The following NRG1 variants were observed in gnomAD, a reference collection of about 807,000 sequenced individuals.
The protein encoded by NRG1 is neuregulin 1.
Under a neutral mutation model 63.8 loss-of-function variants are expected in NRG1, and 18 were observed. That is an observed-to-expected ratio of 0.28 (90% CI 0.19 to 0.42). NRG1 has a LOEUF of 0.42. Ranked by LOEUF, NRG1 falls within the 10% of genes least tolerant of loss-of-function variation. NRG1 has a pLI of 1.00. For missense variants in NRG1, 762 were observed against 814.7 expected (o/e 0.94, Z 0.79); for synonymous variants, 302 against 301.3 (o/e 1.00, Z -0.02).
intron 5 of NRG1, among the ~76,000 whole-genome samples, chr8:32,717,574 A>C (rs1399131554): frequency 1.1e-4 from 16 of 152,160 alleles, no homozygotes; most frequent in Admixed American, 1.0e-3. Context: ...GCTCAAACCT[A>C]CTTTTACTGC....
intron 1 of NRG1, among the ~76,000 whole-genome samples, chr8:31,806,665 G>T (rs1333082948): frequency 6.6e-6 from 1 of 152,030 alleles, no homozygotes; most frequent in Non-Finnish European, 1.5e-5. Context: ...TTTTCATTTT[G>T]ATCCAAATGA....
At chr8:32,703,996 A>G (rs1815658914) in intron 5 of NRG1, among the ~76,000 whole-genome samples, 1 of 152,234 alleles carries the variant, frequency 6.6e-6, no homozygotes, top group South Asian at 2.1e-4. Context: ...AATATGCTGA[A>G]CAAGCACTTA....
intron 1 of NRG1, among the ~76,000 whole-genome samples, chr8:32,371,097 A>G (rs190979959): frequency 6.6e-5 from 10 of 152,204 alleles, no homozygotes; most frequent in African/African-American, 2.4e-4. Context: ...CTGTAATCCC[A>G]GCTACTCAGG....
At chr8:32,030,608 G>A (rs970864728) in intron 1 of NRG1, 2 of 151,796 alleles carry the variant, frequency 1.3e-5, no homozygotes, top group African/African-American at 4.8e-5. Context: ...GCTACAGAGG[G>A]GACCATATCC....
chr8:32,254,952 T>C (rs1849524575), intron 1 of NRG1, among the ~76,000 whole-genome samples: 2 of 152,260 alleles, frequency 1.3e-5, no homozygotes, highest in Non-Finnish European at 2.9e-5. Context: ...CATTACATAA[T>C]GCCCTTCTTT....
chr8:32,536,849 G>A (rs113157710), intron 1 of NRG1, among the ~76,000 whole-genome samples: 9 of 149,574 alleles, frequency 6.0e-5, no homozygotes, highest in African/African-American at 2.0e-4. Flanking sequence ...GTGTGAACCC[G>A]GGAGGCGGAG....
intron 1 of NRG1, among the ~76,000 whole-genome samples, chr8:31,684,631 T>C (rs1436704923): frequency 1.3e-5 from 2 of 152,182 alleles, no homozygotes; most frequent in Non-Finnish European, 2.9e-5. Context: ...GAACCACTAT[T>C]ACTTTCAACC....
chr8:32,189,759 A>T (rs942602712), intron 1 of NRG1, among the ~76,000 whole-genome samples: 1 of 152,152 alleles, frequency 6.6e-6, no homozygotes, highest in African/African-American at 2.4e-5. Flanking sequence ...AGTCCTTAGA[A>T]ATATCACCAC....
At chr8:32,069,873 A>G (rs551452927) in intron 1 of NRG1, among the ~76,000 whole-genome samples, 8 of 152,258 alleles carry the variant, frequency 5.3e-5, no homozygotes, top group African/African-American at 1.9e-4. Flanking sequence ...GCCTTCTGTG[A>G]TGCCTTCCAA....
chr8:32,763,099 G>C, intron 11 of NRG1: 1 of 1,061,182 alleles, frequency 9.4e-7, no homozygotes, highest in Non-Finnish European at 1.4e-6. Flanking sequence ...CACTGGGATG[G>C]ATAGTTCCAA....
At chr8:32,053,577 T>C (rs976063045) in intron 1 of NRG1, among the ~76,000 whole-genome samples, 2 of 152,176 alleles carry the variant, frequency 1.3e-5, no homozygotes, top group Non-Finnish European at 2.9e-5. Flanking sequence ...TGACATGATG[T>C]GTTTAGTTAT....
chr8:31,704,830 TA>T (rs373101607), intron 1 of NRG1, among the ~76,000 whole-genome samples: 75,578 of 118,750 alleles, frequency 0.64, 22,789 homozygotes, highest in Middle Eastern at 0.69. Context: ...AGACTCCGTC[TA>T]AAAAAAAAAA....
chr8:32,095,267 T>C (rs906130106), intron 1 of NRG1, among the ~76,000 whole-genome samples: 3 of 152,220 alleles, frequency 2.0e-5, no homozygotes, highest in African/African-American at 7.2e-5. Context: ...TAAGATAACA[T>C]GAGCAGAGAC....
intron 1 of NRG1, among the ~76,000 whole-genome samples, chr8:31,728,826 A>C (rs1360329684): frequency 6.6e-6 from 1 of 152,196 alleles, no homozygotes; most frequent in Non-Finnish European, 1.5e-5. Context: ...CTATTTCATA[A>C]AACTCAGGGT....
chr8:32,140,985 G>A (rs1209864469), intron 1 of NRG1, among the ~76,000 whole-genome samples: 5 of 151,706 alleles, frequency 3.3e-5, no homozygotes, highest in Admixed American at 3.3e-4. Flanking sequence ...CTGTCTCTGT[G>A]TCTCTCTCTG....
chr8:32,442,985 A>G (rs1455358206), intron 1 of NRG1, among the ~76,000 whole-genome samples: 1 of 151,596 alleles, frequency 6.6e-6, no homozygotes, highest in East Asian at 1.9e-4. Context: ...GCTGGAGTGC[A>G]GTGATGTGAT....
chr8:31,911,401 G>C (rs1301408465), intron 1 of NRG1, among the ~76,000 whole-genome samples: 1 of 152,172 alleles, frequency 6.6e-6, no homozygotes, highest in Non-Finnish European at 1.5e-5. Context: ...ATACTGTGCA[G>C]CTGTAAAAAA....
rs534083867 is a variant in NRG1 at position 32,047,828 on chromosome 8, A to G, written c.37+408397A>G. 5.3e-5 allele frequency among the ~76,000 whole-genome samples: 8 copies of G among 151,998 alleles called. No individual in the cohort carries two copies. In the East Asian group the frequency reaches 1.5e-3, roughly 29 times the overall value. Reference sequence around the variant, plus strand: ...TTAAGAATACAATGTATCATTAATGATAGTCACCATGGTACAATAAATATC... The same window carrying G: ...TTAAGAATACAATGTATCATTAATGGTAGTCACCATGGTACAATAAATATC... On this transcript the variant is annotated intron_variant, in intron 1 of 10. Coordinates refer to the NRG1 transcript ENST00000519301.
chr8:31,777,182 A>G (rs189469673), intron 1 of NRG1, among the ~76,000 whole-genome samples: 22 of 152,364 alleles, frequency 1.4e-4, no homozygotes, highest in Admixed American at 6.5e-4. Flanking sequence ...GGTCTTGGAG[A>G]AAACAGTCAA....
Sources: gnomAD v4.1 joint callset for allele counts (sites outside exome capture counted in the v4.1 genomes callset) on GRCh38, gnomAD v4.1.1 for gene constraint, MANE v1.5 for transcripts, NCBI Gene and HGNC (gene_info 2026-07-23, HGNC 2026-07-21) for gene names.